Variants in FRMD4A observed in about 807,000 individuals in gnomAD.
The protein encoded by FRMD4A is FERM domain containing 4A, also known as FERM domain-containing protein 4A.
In FRMD4A, 29 loss-of-function variants were observed where a neutral mutation model predicts 129.1. That is an observed-to-expected ratio of 0.22 (90% CI 0.17 to 0.31). The LOEUF is 0.31. FRMD4A is among the 10% of genes least tolerant of loss of function. FRMD4A has a pLI of 1.00. For missense variants in FRMD4A, 1,272 were observed against 1,375.8 expected, an observed-to-expected ratio of 0.92 and a Z score of 1.19; for synonymous variants, 634 against 571.6, an observed-to-expected ratio of 1.11 and a Z score of -1.56.
chr10:13,763,685 T>G (rs945492997), intron 6 of FRMD4A, among the ~76,000 whole-genome samples: 1 of 152,176 alleles, frequency 6.6e-6, no homozygotes, highest in African/African-American at 2.4e-5. Context: ...CTCTTTATAT[T>G]TATATTTTTG....
intron 2 of FRMD4A, among the ~76,000 whole-genome samples, chr10:14,272,196 C>T (rs1006877306): frequency 7.2e-5 from 11 of 152,018 alleles, no homozygotes; most frequent in Non-Finnish European, 4.4e-5. Context: ...TGCAGTTATG[C>T]CATTAGGAAA....
chr10:14,292,322 T>G (rs1002029608), intron 2 of FRMD4A, among the ~76,000 whole-genome samples: 1 of 152,196 alleles, frequency 6.6e-6, no homozygotes. Flanking sequence ...TAGAACAGAA[T>G]GCTCAGAAAT....
chr10:13,677,460 C>G (rs1171194456), intron 15 of FRMD4A, among the ~76,000 whole-genome samples: 1 of 152,188 alleles, frequency 6.6e-6, no homozygotes, highest in Non-Finnish European at 1.5e-5. Flanking sequence ...ATTTTCGTAG[C>G]TGTTTCCTGG....
chr10:13,849,065 C>T (rs1299142444), intron 3 of FRMD4A, among the ~76,000 whole-genome samples: 2 of 152,290 alleles, frequency 1.3e-5, no homozygotes, highest in East Asian at 3.9e-4. Flanking sequence ...TGGTGGAGTG[C>T]CCAGCTTTGC....
At chr10:13,900,766 AGG>A (rs2094810641) in intron 2 of FRMD4A, among the ~76,000 whole-genome samples, 1 of 149,180 alleles carries the variant, frequency 6.7e-6, no homozygotes, top group African/African-American at 2.4e-5. Flanking sequence ...GCGTGTTGGC[AGG>A]TGCCTGTAAT....
intron 2 of FRMD4A, among the ~76,000 whole-genome samples, chr10:14,103,451 G>T: frequency 6.6e-6 from 1 of 152,200 alleles, no homozygotes; most frequent in South Asian, 2.1e-4. Context: ...CACTGAGGTT[G>T]GTGGAGGAGC....
At chr10:14,195,846 G>T (rs1296450453) in intron 2 of FRMD4A, among the ~76,000 whole-genome samples, 2 of 152,196 alleles carry the variant, frequency 1.3e-5, no homozygotes, top group Non-Finnish European at 1.5e-5. Flanking sequence ...GGTGCCTGTT[G>T]TATGTCCTGT....
intron 3 of FRMD4A, among the ~76,000 whole-genome samples, chr10:13,814,580 C>CAAAAAAAAAAAAAAAAAAAAA (rs553044764): frequency 2.4e-5 from 1 of 41,388 alleles, no homozygotes; most frequent in African/African-American, 8.8e-5. Flanking sequence ...GACCCTGTTT[C>CAAAAAAAAAAAAAAAAAAAAA]AAAAAAAAAA....
chr10:13,999,924 A>G (rs1339749870), intron 2 of FRMD4A, among the ~76,000 whole-genome samples: 3 of 152,200 alleles, frequency 2.0e-5, no homozygotes, highest in African/African-American at 7.2e-5. Flanking sequence ...TAAAGGCTTG[A>G]GTTTATAACC....
chr10:13,998,940 C>T (rs977760431), intron 2 of FRMD4A, among the ~76,000 whole-genome samples: 3 of 152,178 alleles, frequency 2.0e-5, no homozygotes, highest in Non-Finnish European at 2.9e-5. Context: ...AGGTCCTTCT[C>T]ATGGCCTGCA....
At chr10:13,706,396 G>T (rs2087444634) in intron 13 of FRMD4A, among the ~76,000 whole-genome samples, 1 of 152,134 alleles carries the variant, frequency 6.6e-6, no homozygotes, top group Non-Finnish European at 1.5e-5. Flanking sequence ...CCAACCTGGG[G>T]CCCCACTGTC....
At chr10:13,974,019 CTTTTTTT>C (rs66523920) in intron 2 of FRMD4A, among the ~76,000 whole-genome samples, 1 of 96,634 alleles carries the variant, frequency 1.0e-5, no homozygotes, top group African/African-American at 3.8e-5. Flanking sequence ...AGGGACAGTT[CTTTTTTT>C]TTTTTTTTTT....
chr10:13,681,871 T>G (rs1016785895), intron 15 of FRMD4A, among the ~76,000 whole-genome samples: 19 of 152,136 alleles, frequency 1.2e-4, no homozygotes, highest in African/African-American at 4.3e-4. Context: ...TAGAAGATGC[T>G]TGGAAGAGAG....
intron 13 of FRMD4A, among the ~76,000 whole-genome samples, chr10:13,702,539 C>CAT (rs35626065): frequency 0.36 from 44,948 of 126,320 alleles, 7,494 homozygotes; most frequent in South Asian, 0.44. Flanking sequence ...TGTGTGTTTG[C>CAT]ATGTGTGTGT....
intron 2 of FRMD4A, among the ~76,000 whole-genome samples, chr10:14,160,209 T>C (rs972174322): frequency 5.9e-5 from 9 of 152,172 alleles, no homozygotes; most frequent in African/African-American, 1.9e-4. Flanking sequence ...AGAACATACA[T>C]TGAGGAACGA....
intron 6 of FRMD4A, among the ~76,000 whole-genome samples, chr10:13,778,533 T>A (rs2092656529): frequency 6.6e-6 from 1 of 152,112 alleles, no homozygotes; most frequent in South Asian, 2.1e-4. Context: ...GGTGGAACTA[T>A]TCTGTGCAGT....
At chr10:14,141,881 T>C (rs1839853022) in intron 2 of FRMD4A, among the ~76,000 whole-genome samples, 1 of 152,204 alleles carries the variant, frequency 6.6e-6, no homozygotes, top group South Asian at 2.1e-4. Flanking sequence ...GCTGCTTGTA[T>C]CTTTGGCTCC....
At chr10:13,817,246 G>C (rs1009283502) in intron 3 of FRMD4A, among the ~76,000 whole-genome samples, 2 of 152,188 alleles carry the variant, frequency 1.3e-5, no homozygotes, top group African/African-American at 4.8e-5. Flanking sequence ...GGGAAGAAAG[G>C]AGAGGAGCTC....
intron 2 of FRMD4A, among the ~76,000 whole-genome samples, chr10:14,081,396 A>G (rs1322249179): frequency 3.9e-5 from 6 of 152,202 alleles, no homozygotes; most frequent in Admixed American, 3.9e-4. Context: ...AGAACAGCTC[A>G]GATGGAAGAA....
Sources: gnomAD v4.1 joint callset for allele counts (sites outside exome capture counted in the v4.1 genomes callset) on GRCh38, gnomAD v4.1.1 for gene constraint, MANE v1.5 for transcripts, NCBI Gene and HGNC (gene_info 2026-07-23, HGNC 2026-07-21) for gene names.